OR51B5: variants seen among roughly 807,000 people sequenced by gnomAD.
The protein encoded by OR51B5 is olfactory receptor 51B5.
For missense variants in OR51B5, 456 were observed against 374.6 expected (o/e 1.22, Z -1.79); for synonymous variants, 186 against 144.8 (o/e 1.28, Z -2.04).
intron 1 of OR51B5, chr11:5,352,511 A>C: frequency 1.0e-6 from 1 of 976,616 alleles, no homozygotes; most frequent in Non-Finnish European, 1.5e-6. Flanking sequence ...TGTTGCCAGC[A>C]TAAGTAACTA....
intron 1 of OR51B5, among the ~76,000 whole-genome samples, chr11:5,474,506 T>G (rs201913367): frequency 3.8e-3 from 2 of 532 alleles, no homozygotes; most frequent in East Asian, 0.02. Flanking sequence ...TAATAAATTG[T>G]TTTTGGAGAT....
intron 1 of OR51B5, among the ~76,000 whole-genome samples, chr11:5,405,567 T>C (rs530516174): frequency 6.6e-6 from 1 of 152,314 alleles, no homozygotes; most frequent in Non-Finnish European, 1.5e-5. Context: ...CTGCTGTACA[T>C]TTCACTTTCT....
chr11:5,496,732 A>T lies in OR51B5; in HGVS notation n.84+8837T>A, dbSNP rs890759524. 4.8e-4 allele frequency among the ~76,000 whole-genome samples: 73 copies of T among 152,300 alleles called. 2 individuals are homozygous for T. Among genetic ancestry groups the T allele is most frequent in the African/African-American group, 1.7e-3 (69 of 41,562 alleles). ...TGACACTAGAAGTGGAGTTTCCCCC[A>T]TCATAGGGTCATGGGTGTATATATT... On this transcript the variant is annotated intron_variant and non_coding_transcript_variant, in intron 1 of 4. Transcript: ENST00000415970.
At chr11:5,448,519 A>G (rs977981550) in intron 1 of OR51B5, among the ~76,000 whole-genome samples, 1 of 152,208 alleles carries the variant, frequency 6.6e-6, no homozygotes, top group African/African-American at 2.4e-5. Flanking sequence ...ATTCCACAAG[A>G]GCAATCTAGG....
intron 1 of OR51B5, among the ~76,000 whole-genome samples, chr11:5,374,223 G>A (rs1253878618): frequency 6.6e-6 from 1 of 152,170 alleles, no homozygotes; most frequent in African/African-American, 2.4e-5. Flanking sequence ...GGCAAACAGG[G>A]TCTGGAGTGG....
chr11:5,500,283 T>C (rs1182620962), intron 1 of OR51B5, among the ~76,000 whole-genome samples: 3 of 152,202 alleles, frequency 2.0e-5, no homozygotes, highest in African/African-American at 7.2e-5. Flanking sequence ...TCTCAGACCA[T>C]AGTGCCCTAT....
chr11:5,340,779 G>A (rs1331349291), downstream of OR51B5: 2 of 151,952 alleles, frequency 1.3e-5, no homozygotes, highest in Non-Finnish European at 2.9e-5. Flanking sequence ...GCCCTTGGAG[G>A]GAATATTTAA....
chr11:5,479,467 C>T (rs989204021), intron 1 of OR51B5, among the ~76,000 whole-genome samples: 1 of 150,500 alleles, frequency 6.6e-6, no homozygotes, highest in Non-Finnish European at 1.5e-5. Context: ...CGAGCAAAAT[C>T]ACCAGCTAAC....
chr11:5,461,217 G>T (rs1002190291), intron 1 of OR51B5, among the ~76,000 whole-genome samples: 5 of 152,206 alleles, frequency 3.3e-5, no homozygotes, highest in African/African-American at 1.2e-4. Context: ...CTGCTCGGGC[G>T]ATGGTGGGTC....
At chr11:5,417,453 T>C (rs950994385) in intron 1 of OR51B5, among the ~76,000 whole-genome samples, 2 of 151,642 alleles carry the variant, frequency 1.3e-5, no homozygotes, top group East Asian at 2.0e-4. Flanking sequence ...AAAGATCTTC[T>C]GCGCAGCAAA....
At chr11:5,393,931 T>C (rs990813980) in intron 1 of OR51B5, among the ~76,000 whole-genome samples, 1 of 152,216 alleles carries the variant, frequency 6.6e-6, no homozygotes, top group Non-Finnish European at 1.5e-5. Flanking sequence ...ATGTTTTCCA[T>C]GTTATACTGA....
intron 1 of OR51B5, among the ~76,000 whole-genome samples, chr11:5,399,012 A>C (rs1849926153): frequency 6.6e-6 from 1 of 152,218 alleles, no homozygotes; most frequent in Non-Finnish European, 1.5e-5. Context: ...TGAAGCCCTT[A>C]GCATTTTTCC....
At chr11:5,366,591 G>A (rs897543012) in intron 1 of OR51B5, among the ~76,000 whole-genome samples, 33 of 151,400 alleles carry the variant, frequency 2.2e-4, no homozygotes, top group Admixed American at 6.6e-4. Flanking sequence ...CAGCCTGGAA[G>A]GCAAAAGCAA....
At chr11:5,409,516 AAT>A (rs1850111331) in intron 1 of OR51B5, among the ~76,000 whole-genome samples, 1 of 152,200 alleles carries the variant, frequency 6.6e-6, no homozygotes, top group Admixed American at 6.5e-5. Context: ...ACTAAAAAAA[AAT>A]CTATCAAAAT....
chr11:5,401,022 A>C (rs1169841982), intron 1 of OR51B5, among the ~76,000 whole-genome samples: 19 of 152,198 alleles, frequency 1.2e-4, no homozygotes. Context: ...GAATGAGTTG[A>C]AAACAATCTT....
intron 1 of OR51B5, chr11:5,455,625 G>GAAAA (rs1850945198): frequency 6.6e-6 from 1 of 151,574 alleles, no homozygotes; most frequent in African/African-American, 2.4e-5. Flanking sequence ...GAGAGAAAGA[G>GAAAA]AGAGAGAGAG....
chr11:5,422,532 T>C (rs1850359752), intron 1 of OR51B5: 3 of 1,614,066 alleles, frequency 1.9e-6, no homozygotes, highest in Admixed American at 3.3e-5. Context: ...GGATTCTCCT[T>C]TATGGAGTCT....
At chr11:5,389,887 G>A in intron 1 of OR51B5, 4 of 1,612,678 alleles carry the variant, frequency 2.5e-6, no homozygotes, top group Non-Finnish European at 3.4e-6. Context: ...TCATCTTCCG[G>A]GGACCTGTGG....
At chr11:5,471,637 A>C (rs549798075) in intron 1 of OR51B5, among the ~76,000 whole-genome samples, 2 of 139,058 alleles carry the variant, frequency 1.4e-5, no homozygotes, top group East Asian at 4.1e-4. Context: ...CTCTGTCTCA[A>C]AAAAAAAAAA....
Sources: gnomAD v4.1 joint callset for allele counts (sites outside exome capture counted in the v4.1 genomes callset) on GRCh38, gnomAD v4.1.1 for gene constraint, MANE v1.5 for transcripts, NCBI Gene and HGNC (gene_info 2026-07-23, HGNC 2026-07-21) for gene names.